The following PRDM6 variants were observed in gnomAD, a reference collection of about 807,000 sequenced individuals.
PRDM6 encodes the protein PR/SET domain 6.
PRDM6 carries 25 observed loss-of-function variants against 60.8 expected under a neutral mutation model. The observed-to-expected ratio is 0.41, with a 90% CI of 0.30 to 0.57. PRDM6 has a LOEUF of 0.57. Among genes scored for constraint, PRDM6 ranks in the 20% least tolerant of loss-of-function variants. PRDM6 has a pLI of 0.27. For synonymous variants in PRDM6, 407 were observed against 357.4 expected, an observed-to-expected ratio of 1.14 and a Z score of -1.57; for missense variants, 839 against 821.3, an observed-to-expected ratio of 1.02 and a Z score of -0.26.
intron 1 of PRDM6, 24 bp from the exon 2 acceptor site, chr5:123,089,976 C>A: frequency 1.3e-6 from 2 of 1,511,552 alleles, no homozygotes; most frequent in Non-Finnish European, 1.8e-6. Flanking sequence ...CACGCGCCCC[C>A]TCTTCCCTGC....
At chr5:123,094,427 T>A (rs571508828) in intron 2 of PRDM6, among the ~76,000 whole-genome samples, 38 of 144,244 alleles carry the variant, frequency 2.6e-4, no homozygotes, top group African/African-American at 1.0e-3. Context: ...CGTGGGCTTT[T>A]GTGTTTCTCT....
chr5:123,181,847 G>T (rs919583334), intron 7 of PRDM6, among the ~76,000 whole-genome samples: 1 of 152,158 alleles, frequency 6.6e-6, no homozygotes, highest in Non-Finnish European at 1.5e-5. Flanking sequence ...TCTGGGTCCT[G>T]CCTTCCTCTC....
chr5:123,155,849 G>A (rs372742197), intron 3 of PRDM6, 35 bp from the exon 4 acceptor site: 41 of 1,544,466 alleles, frequency 2.7e-5, no homozygotes, highest in African/African-American at 2.6e-4. Flanking sequence ...CTGATGATTC[G>A]TTCTAACTAC....
intron 6 of PRDM6, among the ~76,000 whole-genome samples, chr5:123,174,910 C>T (rs1288743912): frequency 6.6e-6 from 1 of 152,190 alleles, no homozygotes; most frequent in Non-Finnish European, 1.5e-5. Flanking sequence ...AAATCTCTTC[C>T]TCCTTTTTCC....
chr5:123,189,966 G>A lies in PRDM6; in HGVS notation c.*2765G>A, dbSNP rs964568349. 1.3e-5 allele frequency: 2 copies of A among 152,200 alleles called. No individual in the cohort carries two copies. The highest frequency in any genetic ancestry group is 3.8e-4 in the East Asian group (2 of 5,196). 9.4% of individuals were successfully genotyped at this position (152,200 alleles called of 1,614,324 possible). A position where few individuals can be genotyped will look rare whatever the true frequency, so the allele number is the denominator to read the frequency against. ...CTTTTCTATTTAAAGTGGACACACA[G>A]TCCCCTGGGATACAGCAAATGGGTG... On this transcript the variant is annotated 3_prime_UTR_variant, in exon 8 of 8. Transcript: ENST00000407847.
At chr5:123,152,665 A>G (rs1765396127) in intron 3 of PRDM6, among the ~76,000 whole-genome samples, 1 of 152,226 alleles carries the variant, frequency 6.6e-6, no homozygotes, top group Non-Finnish European at 1.5e-5. Context: ...CAGCCTTGGT[A>G]AATGACAAAG....
chr5:123,132,593 A>T (rs1426006303), intron 3 of PRDM6, among the ~76,000 whole-genome samples: 1 of 152,172 alleles, frequency 6.6e-6, no homozygotes, highest in East Asian at 1.9e-4. Flanking sequence ...AATGTTGCTA[A>T]ATGCATCTGT....
chr5:123,150,081 A>C (rs71594332), intron 3 of PRDM6, among the ~76,000 whole-genome samples: 1,855 of 152,274 alleles, frequency 0.012, 17 homozygotes, highest in Middle Eastern at 0.054. Context: ...AAGGCTGGCT[A>C]TGTTCTTTGA....
At chr5:123,127,286 C>T (rs1027521477) in intron 3 of PRDM6, among the ~76,000 whole-genome samples, 1 of 152,198 alleles carries the variant, frequency 6.6e-6, no homozygotes, top group African/African-American at 2.4e-5. Flanking sequence ...GATCCACCCA[C>T]CATGGCCTCC....
intron 7 of PRDM6, among the ~76,000 whole-genome samples, chr5:123,182,847 A>G (rs1414199076): frequency 3.3e-5 from 5 of 152,230 alleles, no homozygotes; most frequent in African/African-American, 2.4e-5. Context: ...TCAAATAGAT[A>G]TTCCCAGGGG....
chr5:123,162,137 A>G (rs969194385), intron 5 of PRDM6, among the ~76,000 whole-genome samples: 3 of 152,220 alleles, frequency 2.0e-5, no homozygotes, highest in African/African-American at 7.2e-5. Context: ...TGAGCCAGAA[A>G]TGGAAACTGT....
intron 3 of PRDM6, among the ~76,000 whole-genome samples, chr5:123,131,784 A>G (rs1764839822): frequency 6.6e-6 from 1 of 152,230 alleles, no homozygotes; most frequent in Admixed American, 6.5e-5. Context: ...TTCTGAATGA[A>G]CAATGATGAT....
At chr5:123,109,695 G>A (rs1205166200) in intron 3 of PRDM6, among the ~76,000 whole-genome samples, 1 of 152,112 alleles carries the variant, frequency 6.6e-6, no homozygotes, top group African/African-American at 2.4e-5. Flanking sequence ...TTAATGGAGG[G>A]CAACAAGGAT....
intron 3 of PRDM6, among the ~76,000 whole-genome samples, chr5:123,111,401 TAAG>T (rs1764307777): frequency 6.6e-6 from 1 of 152,192 alleles, no homozygotes; most frequent in Admixed American, 6.5e-5. Flanking sequence ...AAACTATCCT[TAAG>T]AAACAAAACG....
chr5:123,168,273 G>A (rs1765804517), intron 5 of PRDM6, among the ~76,000 whole-genome samples: 1 of 152,056 alleles, frequency 6.6e-6, no homozygotes, highest in Admixed American at 6.6e-5. Flanking sequence ...TATAACGTAA[G>A]TATATATAAC....
chr5:123,173,290 A>T (rs558403679), intron 6 of PRDM6: 1 of 161,328 alleles, frequency 6.2e-6, no homozygotes, highest in African/African-American at 2.4e-5. Flanking sequence ...CAGAAAAAAT[A>T]CCTGAAAAAC....
At position 123,090,350 on chromosome 5, in the gene PRDM6, G is replaced by A. The variant is rs961649097; in HGVS notation, c.336G>A (p.Pro112=). ...AAALAGLSAL[P]VSQLPVFAPL... is the part of the protein sequence containing the mutation. ...CGCTGGCTGGTCTCTCGGCCCTGCC[G>A]GTGTCGCAGCTGCCGGTGTTCGCGC... Residue 112 remains proline, a synonymous_variant, in exon 2 of 8, where the codon CCG becomes CCA. Transcript: ENST00000407847. 4 of 1,474,852 alleles carry A rather than the reference G, an allele frequency of 2.7e-6. No homozygotes were observed. The highest frequency in any genetic ancestry group is 1.5e-5 in the African/African-American group (1 of 68,100). 91.4% of individuals were successfully genotyped at this position (1,474,852 alleles called of 1,614,324 possible). A position where few individuals can be genotyped will look rare whatever the true frequency, so the allele number is the denominator to read the frequency against.
At chr5:123,143,148 A>AGAGTGTGTGTGTGTGTGTGTGT (rs1491407263) in intron 3 of PRDM6, among the ~76,000 whole-genome samples, 3 of 145,878 alleles carry the variant, frequency 2.1e-5, no homozygotes, top group Admixed American at 2.0e-4. Context: ...TAGTTTTTAA[A>AGAGTGTGTGTGTGTGTGTGTGT]GTGTGTGTGT....
Position 123,155,931 on chromosome 5 carries a change from A to G in PRDM6, c.948A>G (p.Glu316=). ...TACAGCACTTTATTGATGGTGGGGAACCTAGTAAGTCGAGCTGGATGAGGT... is the reference window on the plus strand; with the variant it reads ...TACAGCACTTTATTGATGGTGGGGAGCCTAGTAAGTCGAGCTGGATGAGGT... The part of the protein sequence containing the change: ...GTLQHFIDGG[E]PSKSSWMRYI... The change falls in exon 4 of 8, where the codon GAA becomes GAG. Residue 316 remains glutamate (E), a synonymous_variant. Transcript: ENST00000407847. 1 of 1,551,640 alleles carries G rather than the reference A, an allele frequency of 6.4e-7. No individual in the cohort carries two copies. The highest frequency in any genetic ancestry group is 2.4e-5 in the East Asian group (1 of 40,908).
Sources: allele counts gnomAD v4.1 joint callset (sites outside exome capture counted in the v4.1 genomes callset), GRCh38; gene constraint gnomAD v4.1.1; transcripts MANE v1.5; gene names NCBI Gene and HGNC (gene_info 2026-07-23, HGNC 2026-07-21).